Variants in WDR27 observed in about 807,000 individuals in gnomAD.
WDR27 encodes the protein WD repeat domain 27, also known as WD repeat-containing protein 27.
In WDR27, 100 loss-of-function variants were observed where a neutral mutation model predicts 114.4. The observed-to-expected ratio is 0.87, with a 90% confidence interval of 0.74 to 1.03. The LOEUF (loss-of-function observed/expected upper bound fraction) is 1.03. Among genes scored for constraint, WDR27 ranks in the 50% least tolerant of loss-of-function variants. The pLI, the probability that WDR27 is intolerant of heterozygous loss-of-function variation, is 0.00. For missense variants in WDR27, 1,129 were observed against 1,092.9 expected (o/e 1.03, Z -0.47); for synonymous variants, 449 against 423.1 (o/e 1.06, Z -0.75).
intron 23 of WDR27, among the ~76,000 whole-genome samples, chr6:169,583,501 A>G (rs1227489225): frequency 6.6e-4 from 16 of 24,312 alleles, no homozygotes; most frequent in African/African-American, 1.1e-3. Flanking sequence ...ATATATATAT[A>G]TATGTATATA....
At chr6:169,652,968 GAAAC>G (rs10540133) in intron 13 of WDR27, among the ~76,000 whole-genome samples, 19,471 of 152,166 alleles carry the variant, frequency 0.13, 1,352 homozygotes, top group African/African-American at 0.16. Context: ...AAAAGCTAAA[GAAAC>G]AAACATGTTA....
At chr6:169,529,317 G>GT (rs1554281627) in intron 25 of WDR27, among the ~76,000 whole-genome samples, 6 of 141,046 alleles carry the variant, frequency 4.3e-5, no homozygotes, top group Non-Finnish European at 9.4e-5. Flanking sequence ...CTCTGCGGGG[G>GT]GGGGGGGCAG....
At chr6:169,573,405 T>C (rs908737530) in intron 24 of WDR27, among the ~76,000 whole-genome samples, 1 of 152,214 alleles carries the variant, frequency 6.6e-6, no homozygotes, top group African/African-American at 2.4e-5. Context: ...AACAAGGGTT[T>C]GAACTGTGCA....
intron 25 of WDR27, among the ~76,000 whole-genome samples, chr6:169,488,499 G>A (rs1789249389): frequency 6.6e-6 from 1 of 152,208 alleles, no homozygotes; most frequent in Non-Finnish European, 1.5e-5. Context: ...GAGAAAATGA[G>A]CAGTGTCAGA....
intron 13 of WDR27, among the ~76,000 whole-genome samples, chr6:169,654,742 C>T (rs1410326548): frequency 6.6e-6 from 1 of 150,614 alleles, no homozygotes; most frequent in East Asian, 2.0e-4. Flanking sequence ...CAGGAGGAGG[C>T]GCGCACAGGG....
chr6:169,652,508 A>C (rs1381510958), intron 13 of WDR27, among the ~76,000 whole-genome samples: 1 of 152,180 alleles, frequency 6.6e-6, no homozygotes, highest in Non-Finnish European at 1.5e-5. Flanking sequence ...CAGCCTCCCA[A>C]AATGCTGGGA....
intron 25 of WDR27, among the ~76,000 whole-genome samples, chr6:169,563,122 AC>A (rs1471709713): frequency 6.6e-6 from 1 of 152,070 alleles, no homozygotes; most frequent in Non-Finnish European, 1.5e-5. Context: ...CTGACAGCGG[AC>A]CCCAGAGAAA....
intron 22 of WDR27, among the ~76,000 whole-genome samples, chr6:169,609,028 T>C (rs1223824133): frequency 1.3e-5 from 2 of 152,210 alleles, no homozygotes; most frequent in African/African-American, 2.4e-5. Flanking sequence ...AGCTCCAAAA[T>C]GATCTCCTTT....
At chr6:169,445,986 G>C in the WDR27 span, among the ~76,000 whole-genome samples, 1 of 152,238 alleles carries the variant, frequency 6.6e-6, no homozygotes, top group Non-Finnish European at 1.5e-5. Context: ...GTTTACACAG[G>C]CTCCACAATG....
chr6:169,591,146 T>C (rs907180104), intron 23 of WDR27, among the ~76,000 whole-genome samples: 25 of 152,188 alleles, frequency 1.6e-4, no homozygotes, highest in Non-Finnish European at 2.8e-4. Flanking sequence ...ATCACCTGTC[T>C]TTCTGATATT....
At chr6:169,514,560 A>T (rs1278769529) in intron 25 of WDR27, among the ~76,000 whole-genome samples, 3 of 147,650 alleles carry the variant, frequency 2.0e-5, no homozygotes, top group Non-Finnish European at 4.5e-5. Flanking sequence ...TATATATATA[A>T]AATATAGATA....
At chr6:169,667,394 C>A in intron 5 of WDR27, 1 of 1,225,146 alleles carries the variant, frequency 8.2e-7, no homozygotes, top group African/African-American at 1.6e-5. Flanking sequence ...ACATCACTTC[C>A]ATAAATAAAA....
At chr6:169,691,249 G>T (rs1363714707) in intron 1 of WDR27, among the ~76,000 whole-genome samples, 1 of 151,994 alleles carries the variant, frequency 6.6e-6, no homozygotes, top group Non-Finnish European at 1.5e-5. Context: ...TTAAAAAAAC[G>T]TAATTTTTAA....
intron 23 of WDR27, among the ~76,000 whole-genome samples, chr6:169,591,325 C>G (rs908227928): frequency 6.6e-6 from 1 of 152,144 alleles, no homozygotes; most frequent in Admixed American, 6.5e-5. Context: ...GATAATTTCA[C>G]CTACTGATGA....
rs1308450142 is a variant in WDR27 at position 169,583,488 on chromosome 6, CATATATATATATATATGTATAT to C, written c.2425-576_2425-555del. ...TTGTGTGTGTGTGTGTGTATATATA[CATATATATATATATATGTATAT>C]ATACACACACACACACACACACACA... On this transcript the variant is annotated intron_variant, in intron 23 of 25. Transcript: ENST00000448612. Among the ~76,000 whole-genome samples the C allele has an allele frequency of 3.6e-4, 5 of 13,984 alleles. No homozygotes were observed. The East Asian group carries it at 0.012, about 34-fold the overall frequency. The allele number at this position is 13,984 out of a possible 152,430, so 9.2% of individuals were successfully genotyped here. A position where few individuals can be genotyped will look rare whatever the true frequency, so the allele number is the denominator to read the frequency against.
chr6:169,489,935 A>G (rs1049376076), intron 25 of WDR27, among the ~76,000 whole-genome samples: 2 of 152,174 alleles, frequency 1.3e-5, no homozygotes, highest in East Asian at 3.9e-4. Context: ...CAGTAACTCA[A>G]CTTCACAAAC....
At chr6:169,540,718 C>A (rs1192707057) in intron 25 of WDR27, among the ~76,000 whole-genome samples, 3 of 152,138 alleles carry the variant, frequency 2.0e-5, no homozygotes, top group Non-Finnish European at 4.4e-5. Flanking sequence ...GCATGAGACA[C>A]CGCGCCTGGC....
At chr6:169,521,889 A>T (rs772895679) in intron 25 of WDR27, among the ~76,000 whole-genome samples, 20 of 152,034 alleles carry the variant, frequency 1.3e-4, no homozygotes, top group Non-Finnish European at 1.8e-4. Context: ...AAAAAAGAAG[A>T]GAGGGGTTAC....
intron 25 of WDR27, among the ~76,000 whole-genome samples, chr6:169,544,247 A>G (rs1346375160): frequency 6.6e-6 from 1 of 152,146 alleles, no homozygotes; most frequent in Non-Finnish European, 1.5e-5. Context: ...CGACTGAGAT[A>G]GGCAAGAGTA....
Sources: gnomAD v4.1 joint callset for allele counts (sites outside exome capture counted in the v4.1 genomes callset) on GRCh38, gnomAD v4.1.1 for gene constraint, MANE v1.5 for transcripts, NCBI Gene and HGNC (gene_info 2026-07-23, HGNC 2026-07-21) for gene names.